HIPK2: variants seen among roughly 807,000 people sequenced by gnomAD.
The protein encoded by HIPK2 is homeodomain interacting protein kinase 2, also known as homeodomain-interacting protein kinase 2.
Under a neutral mutation model 113.7 loss-of-function variants are expected in HIPK2, and 27 were observed. That is an observed-to-expected ratio of 0.24 (90% CI 0.17 to 0.33). The LOEUF (loss-of-function observed/expected upper bound fraction) is 0.33, where lower values mean the gene tolerates loss of function less well. HIPK2 is among the 10% of genes least tolerant of loss of function. HIPK2 has a pLI of 1.00. For synonymous variants in HIPK2, 631 were observed against 642.2 expected (o/e 0.98, Z 0.26); for missense variants, 1,257 against 1,588.0 (o/e 0.79, Z 3.54).
intron 1 of HIPK2, among the ~76,000 whole-genome samples, chr7:139,770,188 C>A (rs906242405): frequency 6.6e-5 from 10 of 152,314 alleles, no homozygotes; most frequent in African/African-American, 2.4e-4. Context: ...CCCTATAAAT[C>A]TTTCATTAGA....
At chr7:139,718,963 T>C (rs1795326411) in intron 1 of HIPK2, among the ~76,000 whole-genome samples, 1 of 152,168 alleles carries the variant, frequency 6.6e-6, no homozygotes, top group African/African-American at 2.4e-5. Flanking sequence ...ACTTCCTAAT[T>C]GCCTAATCCA....
chr7:139,594,772 G>T (rs1389784464), intron 12 of HIPK2, among the ~76,000 whole-genome samples: 1 of 152,076 alleles, frequency 6.6e-6, no homozygotes, highest in Non-Finnish European at 1.5e-5. Flanking sequence ...CAGGCTGGCA[G>T]TCCCCGCCAC....
chr7:139,697,066 T>C (rs1391667806), intron 2 of HIPK2, among the ~76,000 whole-genome samples: 3 of 152,192 alleles, frequency 2.0e-5, no homozygotes, highest in African/African-American at 4.8e-5. Flanking sequence ...TTTAGAATTA[T>C]TGAAATATCA....
chr7:139,584,766 T>C (rs1798782292), intron 12 of HIPK2, among the ~76,000 whole-genome samples: 1 of 152,194 alleles, frequency 6.6e-6, no homozygotes, highest in African/African-American at 2.4e-5. Flanking sequence ...CTGCAGCTTT[T>C]CCACTGCCTG....
At chr7:139,719,132 C>G (rs573510765) in intron 1 of HIPK2, among the ~76,000 whole-genome samples, 13 of 152,100 alleles carry the variant, frequency 8.5e-5, no homozygotes, top group Non-Finnish European at 1.8e-4. Flanking sequence ...CCTCTTCCTC[C>G]TTTATTTTAT....
At chr7:139,588,828 C>A (rs1260559176) in intron 12 of HIPK2, among the ~76,000 whole-genome samples, 1 of 152,146 alleles carries the variant, frequency 6.6e-6, no homozygotes, top group Non-Finnish European at 1.5e-5. Flanking sequence ...ACTCCTCCCA[C>A]CTCACACTGT....
rs142040767 is a variant in HIPK2 at position 139,647,506 on chromosome 7, A to G, written c.1104-15781T>C. Among the ~76,000 whole-genome samples the G allele has an allele frequency of 2.8e-3, 426 of 152,328 alleles. 4 individuals are homozygous for G. Among genetic ancestry groups the G allele is most frequent in the African/African-American group, 9.9e-3 (411 of 41,574 alleles). ...TTCTTCTCTGATAATAAGGATTTCA[A>G]TGGTGAAATGTGAATAGAAACCTAT... On this transcript the variant is annotated intron_variant, in intron 2 of 14. Transcript: ENST00000406875.
intron 2 of HIPK2, among the ~76,000 whole-genome samples, chr7:139,702,526 C>T (rs2116856192): frequency 6.6e-6 from 1 of 152,278 alleles, no homozygotes; most frequent in Non-Finnish European, 1.5e-5. Flanking sequence ...AGTTCTCTCC[C>T]TGGGGGCTGG....
intron 9 of HIPK2, among the ~76,000 whole-genome samples, chr7:139,611,164 A>G (rs1328359786): frequency 2.0e-5 from 3 of 152,182 alleles, no homozygotes; most frequent in African/African-American, 4.8e-5. Flanking sequence ...AAGTGACCAA[A>G]CCCACTCGTG....
At chr7:139,701,003 C>A (rs1265565833) in intron 2 of HIPK2, among the ~76,000 whole-genome samples, 1 of 152,230 alleles carries the variant, frequency 6.6e-6, no homozygotes, top group Admixed American at 6.5e-5. Flanking sequence ...AAAAATAGCA[C>A]ATTTCTCAGA....
At chr7:139,622,519 G>C (rs1800269545) in intron 6 of HIPK2, among the ~76,000 whole-genome samples, 1 of 152,064 alleles carries the variant, frequency 6.6e-6, no homozygotes, top group Admixed American at 6.6e-5. Flanking sequence ...TTCAAGTTTT[G>C]GGTTTTAGGA....
intron 13 of HIPK2, among the ~76,000 whole-genome samples, chr7:139,582,056 G>A (rs1420849526): frequency 2.6e-5 from 4 of 152,216 alleles, no homozygotes; most frequent in Non-Finnish European, 5.9e-5. Flanking sequence ...GACTTCGGGT[G>A]CCTCCCAGGG....
chr7:139,705,967 C>G (rs1323395776), intron 2 of HIPK2, among the ~76,000 whole-genome samples: 1 of 152,232 alleles, frequency 6.6e-6, no homozygotes, highest in African/African-American at 2.4e-5. Context: ...GACAAAGTTA[C>G]AAGGAACGTG....
Position 139,599,306 on chromosome 7 carries a change from T to C in HIPK2, c.2435+1111A>G, listed in dbSNP as rs185537769. 2.5e-3 allele frequency among the ~76,000 whole-genome samples: 378 copies of C among 152,308 alleles called. 1 individual carries two copies. Among genetic ancestry groups the C allele is most frequent in the African/African-American group, 8.3e-3 (346 of 41,558 alleles). On this transcript the variant is annotated intron_variant, in intron 11 of 14. Coordinates refer to ENST00000406875, the MANE Select transcript of HIPK2 (RefSeq NM_022740.5). ...AGCAACATTTCTCCCTTTGAAGTGT[T>C]TGATGAGTTTTGACAAATGCACAGT...
At chr7:139,739,633 G>C (rs1796041235) in intron 1 of HIPK2, among the ~76,000 whole-genome samples, 2 of 150,958 alleles carry the variant, frequency 1.3e-5, no homozygotes, top group Non-Finnish European at 2.9e-5. Flanking sequence ...ACAATTGTGT[G>C]ACCATCACTG....
chr7:139,616,670 T>G (rs1800055033), intron 7 of HIPK2, among the ~76,000 whole-genome samples: 1 of 152,202 alleles, frequency 6.6e-6, no homozygotes, highest in African/African-American at 2.4e-5. Flanking sequence ...TGCTCCTTCC[T>G]TTGCTATCAC....
intron 2 of HIPK2, among the ~76,000 whole-genome samples, chr7:139,664,961 A>C (rs746306299): frequency 2.6e-5 from 4 of 152,058 alleles, no homozygotes; most frequent in East Asian, 1.9e-4. Flanking sequence ...AGTGTCTCTA[A>C]CACCACCATA....
At chr7:139,773,066 G>C (rs889102474) in intron 1 of HIPK2, among the ~76,000 whole-genome samples, 1 of 152,018 alleles carries the variant, frequency 6.6e-6, no homozygotes, top group Non-Finnish European at 1.5e-5. Context: ...TTGTCATTTC[G>C]ACAAACCCAG....
chr7:139,761,570 C>T (rs1381056201), intron 1 of HIPK2, among the ~76,000 whole-genome samples: 1 of 152,196 alleles, frequency 6.6e-6, no homozygotes, highest in Non-Finnish European at 1.5e-5. Context: ...CATAAAGAAG[C>T]AACCTCACAC....
Sources: allele counts gnomAD v4.1 joint callset (sites outside exome capture counted in the v4.1 genomes callset), GRCh38; gene constraint gnomAD v4.1.1; transcripts MANE v1.5; gene names NCBI Gene and HGNC (gene_info 2026-07-23, HGNC 2026-07-21).